The following P4HTM variants were observed in gnomAD, a reference collection of about 807,000 sequenced individuals.
The protein encoded by P4HTM is transmembrane prolyl 4-hydroxylase.
Under a neutral mutation model 55.3 loss-of-function variants are expected in P4HTM, and 33 were observed. The observed-to-expected ratio is 0.60, with a 90% CI of 0.45 to 0.80. The LOEUF (loss-of-function observed/expected upper bound fraction) is 0.80. P4HTM is among the 30% of genes least tolerant of loss of function. P4HTM has a pLI of 0.00. For missense variants in P4HTM, 542 were observed against 696.5 expected (o/e 0.78, Z 2.50); for synonymous variants, 272 against 286.4 (o/e 0.95, Z 0.51).
rs895264209 is a variant in P4HTM at position 49,006,012 on chromosome 3, C to T, written c.1165-52C>T. 8 of 1,584,714 alleles carry T rather than the reference C, an allele frequency of 5.0e-6. No homozygotes were observed. The East Asian group carries it at 1.8e-4, about 36-fold the overall frequency. On this transcript the variant is annotated intron_variant, in intron 7 of 8. Transcript: ENST00000383729. ...TTCCCTTTGGTCACCCTTGGCTGGCCTGGCCATAGAGTGGGGACAGGTTGA... is the reference window on the plus strand; with the variant it reads ...TTCCCTTTGGTCACCCTTGGCTGGCTTGGCCATAGAGTGGGGACAGGTTGA...
At position 49,006,740 on chromosome 3, in the gene P4HTM, C is replaced by A; in HGVS notation, c.1342C>A (p.Arg448Ser). Residue 448 changes from arginine (R) to serine (S), a missense_variant, in exon 9 of 9, where the codon CGC becomes AGC. Arg to Ser is a moderately radical substitution (Grantham distance 110, BLOSUM62 -1). This residue lies in a region of P4HTM where 536 missense variants were observed against 672.1 expected (regional missense o/e 0.80). Coordinates refer to ENST00000383729, the MANE Select transcript of P4HTM (RefSeq NM_177939.3). ...YSLHGGCLVT[R>S]GTKWIANNWI... ...GCTGCACGGGGGCTGCCTGGTCACG[C>A]GCGGCACCAAGTGGATTGCCAACAA... 4 of 1,613,734 alleles carry A rather than the reference C, an allele frequency of 2.5e-6. No homozygotes were observed. In the South Asian group the frequency reaches 4.4e-5, roughly 18 times the overall value.
At chr3:49,006,210 G>C (rs376875133) in intron 8 of P4HTM, 23 bp downstream of exon 8, 9 of 1,550,282 alleles carry the variant, frequency 5.8e-6, no homozygotes, top group South Asian at 3.4e-5. Context: ...GGCCAGGCCT[G>C]GGGGGGGTGC....
Position 48,990,736 on chromosome 3 carries a change from C to A in P4HTM, c.355-97C>A. On this transcript the variant is annotated intron_variant, in intron 1 of 8. Coordinates refer to ENST00000383729, the MANE Select transcript of P4HTM (RefSeq NM_177939.3). This position sits in a 1 kb window ranked among gnomAD's most constrained non-coding sequence, Gnocchi z 7.2. The stretch of plus-strand genomic sequence containing the variant: ...TGCGTCGGTCCCGCGCGCTCCCACT[C>A]ACTCGCCTGCTGTCGCTCTCCGGGC... 1 of 1,495,382 alleles carries A rather than the reference C, an allele frequency of 6.7e-7. No homozygotes were observed. The highest frequency in any genetic ancestry group is 9.1e-7 in the Non-Finnish European group (1 of 1,099,976). The allele number at this position is 1,495,382 out of a possible 1,614,324, so 92.6% of individuals were successfully genotyped here.
At chr3:48,992,620 A>T in intron 2 of P4HTM, among the ~76,000 whole-genome samples, 1 of 151,704 alleles carries the variant, frequency 6.6e-6, no homozygotes, top group African/African-American at 2.4e-5. Flanking sequence ...GAAAAAAAAA[A>T]ATAGCAGACA....
At chr3:48,996,620 G>A (rs1402336183) in intron 2 of P4HTM, among the ~76,000 whole-genome samples, 2 of 152,108 alleles carry the variant, frequency 1.3e-5, no homozygotes, top group Non-Finnish European at 2.9e-5. Context: ...TCAGCCTCCC[G>A]AAGTGCTGGG....
At chr3:48,998,371 C>T (rs1033675006) in intron 2 of P4HTM, 5 of 152,268 alleles carry the variant, frequency 3.3e-5, no homozygotes, top group South Asian at 2.1e-4. Flanking sequence ...GGGAAAGGGT[C>T]GGGGGCTGCA....
chr3:49,007,114 G>C lies in P4HTM; in HGVS notation c.*207G>C. 1 of 687,838 alleles carries C rather than the reference G, an allele frequency of 1.5e-6. No homozygotes were observed. The highest frequency in any genetic ancestry group is 2.9e-5 in the Admixed American group (1 of 34,052). 42.6% of individuals were successfully genotyped at this position (687,838 alleles called of 1,614,324 possible). A position where few individuals can be genotyped will look rare whatever the true frequency, so the allele number is the denominator to read the frequency against. ...CGTCAAATAAAAAACCACAAGGTTC[G>C]AGCCGCCGGGCCCGACAAACTCCGG... is the stretch of plus-strand genomic sequence containing the variant. On this transcript the variant is annotated 3_prime_UTR_variant, in exon 9 of 9. Coordinates refer to ENST00000383729, the MANE Select transcript of P4HTM (RefSeq NM_177939.3). The surrounding 1 kb of genome is among the most constrained non-coding windows in gnomAD (Gnocchi z 5.1).
In P4HTM at chr3:49,005,977, T is replaced by A. The variant is rs1249815681; in HGVS notation, c.1165-87T>A. ...GGGCCCAAATTATTCCTTGGGCATA[T>A]CTGGTTGGTTTCCCTTTGGTCACCC... is the stretch of plus-strand genomic sequence containing the variant. On this transcript the variant is annotated intron_variant, in intron 7 of 8. Transcript: ENST00000383729. 9 of 1,556,472 alleles carry A rather than the reference T, an allele frequency of 5.8e-6. No individual in the cohort carries two copies. In the East Asian group the frequency reaches 1.1e-4, roughly 20 times the overall value.
At chr3:49,005,427 T>C in intron 6 of P4HTM, 2 of 1,390,930 alleles carry the variant, frequency 1.4e-6, no homozygotes, top group Non-Finnish European at 1.9e-6. Flanking sequence ...TTCTTTCCTC[T>C]TCAGGTGGCT....
In P4HTM at chr3:49,007,142, C is replaced by G; in HGVS notation, c.*235C>G. On this transcript the variant is annotated 3_prime_UTR_variant, in exon 9 of 9. Coordinates refer to ENST00000383729, the MANE Select transcript of P4HTM (RefSeq NM_177939.3). This position sits in a 1 kb window ranked among gnomAD's most constrained non-coding sequence, Gnocchi z 5.1. ...CCGCCGGGCCCGACAAACTCCGGGT[C>G]GGCGAAACAGAGTCCGCGATAGGTG... 3 of 725,420 alleles carry G rather than the reference C, an allele frequency of 4.1e-6. No individual in the cohort carries two copies. Among genetic ancestry groups the G allele is most frequent in the South Asian group, 1.9e-5 (1 of 51,908 alleles). The allele number at this position is 725,420 out of a possible 1,614,324, so 44.9% of individuals were successfully genotyped here. A position where few individuals can be genotyped will look rare whatever the true frequency, so the allele number is the denominator to read the frequency against.
rs1166731814 is a variant in P4HTM, at chr3:48,990,435, A to G, written c.179A>G (p.Tyr60Cys). ...CKPRGICSRA[Y>C]FLVLMVFVHL... ...CCCCGCGGCATCTGCTCGCGCGCCTACTTCCTGGTGCTGATGGTGTTCGTG... is the reference window on the plus strand; with the variant it reads ...CCCCGCGGCATCTGCTCGCGCGCCTGCTTCCTGGTGCTGATGGTGTTCGTG... The change falls in exon 1 of 9, where the codon TAC becomes TGC. Residue 60 changes from tyrosine to cysteine, a missense_variant. Tyr to Cys is a radical substitution (Grantham distance 194, BLOSUM62 -2). Around this residue, in one of 2 missense-constraint regions of P4HTM, gnomAD observed 536 missense variants for 672.1 expected, o/e 0.80. Transcript: ENST00000383729. This position sits in a 1 kb window ranked among gnomAD's most constrained non-coding sequence, Gnocchi z 7.2. The G allele has an allele frequency of 1.9e-6, 3 of 1,608,576 alleles. No individual in the cohort carries two copies. The highest frequency in any genetic ancestry group is 2.2e-5 in the South Asian group (2 of 90,788).
chr3:49,005,937 C>T, intron 7 of P4HTM, 70 bp downstream of exon 7: 2 of 1,535,680 alleles, frequency 1.3e-6, no homozygotes, highest in East Asian at 2.3e-5. Context: ...CACACCTCTC[C>T]AGGTCTAAGG....
intron 2 of P4HTM, among the ~76,000 whole-genome samples, chr3:48,992,715 G>A (rs2092934396): frequency 7.3e-6 from 1 of 136,724 alleles, no homozygotes; most frequent in Non-Finnish European, 1.5e-5. Flanking sequence ...GTCCAGGCTG[G>A]AATGCAATGG....
chr3:48,991,328 G>A (rs1360027884), intron 2 of P4HTM: 1 of 165,990 alleles, frequency 6.0e-6, no homozygotes, highest in Non-Finnish European at 1.3e-5. Context: ...CCGTCCAAAT[G>A]TAGATAAACT....
intron 6 of P4HTM, 88 bp from the exon 7 acceptor site, chr3:49,005,689 G>A: frequency 6.7e-7 from 1 of 1,497,396 alleles, no homozygotes; most frequent in Non-Finnish European, 8.9e-7. Flanking sequence ...CCTGGCAACA[G>A]GAACCTGGGC....
Position 48,990,813 on chromosome 3 carries a change from G to A in P4HTM, c.355-20G>A. Reference sequence around the variant, plus strand: ...GCGCGGTCTGGCGCCCCAGCTGCCCGCTGTGCGCCTTTTCCTTAGGTGGGG... The same window carrying A: ...GCGCGGTCTGGCGCCCCAGCTGCCCACTGTGCGCCTTTTCCTTAGGTGGGG... On this transcript the variant is annotated intron_variant, in intron 1 of 8. Coordinates refer to ENST00000383729, the MANE Select transcript of P4HTM (RefSeq NM_177939.3). The surrounding 1 kb of genome is among the most constrained non-coding windows in gnomAD (Gnocchi z 7.2). 6.2e-7 allele frequency: 1 copy of A among 1,609,744 alleles called. No individual in the cohort carries two copies. The highest frequency in any genetic ancestry group is 8.5e-7 in the Non-Finnish European group (1 of 1,176,610).
rs866114605 is a variant in P4HTM at position 48,994,777 on chromosome 3, T to G, written c.436+3863T>G. The stretch of plus-strand genomic sequence containing the variant: ...CATAGCAGATCAGATCTCATGGCTC[T>G]CTCTTTTTGTTTTGTTTTGTTTTGT... On this transcript the variant is annotated intron_variant, in intron 2 of 8. Transcript: ENST00000383729. 3.4e-3 allele frequency among the ~76,000 whole-genome samples: 513 copies of G among 152,178 alleles called. 5 individuals carry two copies. Among genetic ancestry groups the G allele is most frequent in the African/African-American group, 0.012 (483 of 41,536 alleles).
rs931900134 is a variant in P4HTM at position 48,990,853 on chromosome 3, C to T, written c.375C>T (p.Val125=). The change falls in exon 2 of 9, where the codon GTC becomes GTT. Residue 125 remains valine (V), a synonymous_variant. Coordinates refer to ENST00000383729, the MANE Select transcript of P4HTM (RefSeq NM_177939.3). The surrounding 1 kb of genome is among the most constrained non-coding windows in gnomAD (Gnocchi z 7.2). ...CTTAGGTGGGGCACGAGCGTAAGGT[C>T]CAGCTGGTCACCGACAGGGATCACT... ...EGIKVGHERK[V]QLVTDRDHFI... 2 of 1,613,798 alleles carry T rather than the reference C, an allele frequency of 1.2e-6. No individual in the cohort carries two copies. Among genetic ancestry groups the T allele is most frequent in the Non-Finnish European group, 1.7e-6 (2 of 1,179,912 alleles).
chr3:49,001,562 G>C lies in P4HTM; in HGVS notation c.561G>C (p.Gln187His). The change falls in exon 3 of 9, where the codon CAG becomes CAC. Residue 187 changes from glutamine to histidine, a missense_variant. Gln to His is a conservative substitution (Grantham distance 24). Coordinates refer to ENST00000383729, the MANE Select transcript of P4HTM (RefSeq NM_177939.3). ...EEYEEAMSTMQVSQLDLFRLL... is the reference protein window; with the variant it reads ...EEYEEAMSTMHVSQLDLFRLL... ...ATGAAGAGGCAATGAGCACTATGCAGGTCAGCCAGCTGGACCTCTTCCGGC... is the reference window on the plus strand; with the variant it reads ...ATGAAGAGGCAATGAGCACTATGCACGTCAGCCAGCTGGACCTCTTCCGGC... The C allele has an allele frequency of 6.2e-7, 1 of 1,613,830 alleles. No individual in the cohort carries two copies. The highest frequency in any genetic ancestry group is 8.5e-7 in the Non-Finnish European group (1 of 1,179,998).
Sources: allele counts gnomAD v4.1 joint callset (sites outside exome capture counted in the v4.1 genomes callset), GRCh38; gene constraint gnomAD v4.1.1; regional missense constraint gnomAD v4.1.1; non-coding constraint Gnocchi (gnomAD v3.1); transcripts MANE v1.5; gene names NCBI Gene and HGNC (gene_info 2026-07-23, HGNC 2026-07-21).